The following HMBOX1 variants were observed in gnomAD, a reference collection of about 807,000 sequenced individuals.
The protein encoded by HMBOX1 is homeobox-containing protein 1.
HMBOX1 carries 14 observed loss-of-function variants against 54.5 expected under a neutral mutation model. The ratio of observed to expected loss-of-function variants is 0.26; its 90% CI spans 0.17 to 0.40. The LOEUF (loss-of-function observed/expected upper bound fraction) is 0.40. Ranked by LOEUF, HMBOX1 falls within the 10% of genes least tolerant of loss-of-function variation. The pLI is 1.00. For missense variants in HMBOX1, 332 were observed against 514.4 expected, an observed-to-expected ratio of 0.65 and a Z score of 3.43; for synonymous variants, 160 against 181.0, an observed-to-expected ratio of 0.88 and a Z score of 0.93.
chr8:28,906,904 G>T (rs1318227479), intron 1 of HMBOX1, among the ~76,000 whole-genome samples: 1 of 152,076 alleles, frequency 6.6e-6, no homozygotes, highest in Non-Finnish European at 1.5e-5. Flanking sequence ...GAAAAAAATG[G>T]TTTTTAATGG....
At chr8:28,958,549 C>T (rs1824887155) in intron 1 of HMBOX1, among the ~76,000 whole-genome samples, 1 of 152,112 alleles carries the variant, frequency 6.6e-6, no homozygotes, top group African/African-American at 2.4e-5. Context: ...GAACAGCTTC[C>T]TTCCCATTCC....
intron 1 of HMBOX1, among the ~76,000 whole-genome samples, chr8:28,906,418 T>A (rs1181320340): frequency 5.3e-5 from 8 of 152,064 alleles, no homozygotes; most frequent in Admixed American, 5.2e-4. Flanking sequence ...AAAAGAAAAA[T>A]CACTGTATAA....
At chr8:28,895,781 C>T (rs2131508867) in intron 1 of HMBOX1, among the ~76,000 whole-genome samples, 1 of 152,190 alleles carries the variant, frequency 6.6e-6, no homozygotes, top group Middle Eastern at 3.4e-3. Context: ...CACTCTTCAT[C>T]CAATCGTGAA....
intron 3 of HMBOX1, among the ~76,000 whole-genome samples, chr8:28,976,932 CT>C (rs1437955236): frequency 2.0e-5 from 3 of 152,084 alleles, no homozygotes; most frequent in Admixed American, 6.5e-5. Context: ...TGAACTTGAA[CT>C]CCTGACCTCA....
chr8:29,009,768 A>T (rs1194294720), intron 5 of HMBOX1: 7 of 1,278,858 alleles, frequency 5.5e-6, no homozygotes, highest in African/African-American at 1.5e-5. Flanking sequence ...ATGACAAAAA[A>T]ATTTATGTCT....
intron 4 of HMBOX1, among the ~76,000 whole-genome samples, chr8:29,006,491 C>T (rs1006158629): frequency 3.9e-5 from 6 of 152,202 alleles, no homozygotes; most frequent in African/African-American, 1.4e-4. Context: ...ATCTGTTTCC[C>T]AAAGTGGCCC....
At chr8:28,957,730 C>A (rs975027795) in intron 1 of HMBOX1, among the ~76,000 whole-genome samples, 1 of 152,156 alleles carries the variant, frequency 6.6e-6, no homozygotes, top group African/African-American at 2.4e-5. Flanking sequence ...TCAGGCGATT[C>A]GCCTGCCTCA....
intron 3 of HMBOX1, among the ~76,000 whole-genome samples, chr8:28,977,186 G>GTA (rs1828549605): frequency 6.6e-6 from 1 of 152,032 alleles, no homozygotes; most frequent in Non-Finnish European, 1.5e-5. Context: ...CAATAATTGA[G>GTA]TGTTATCTCT....
intron 1 of HMBOX1, among the ~76,000 whole-genome samples, chr8:28,905,230 TTTGTTG>T (rs577367151): frequency 1.3e-5 from 2 of 152,094 alleles, no homozygotes; most frequent in Admixed American, 6.5e-5. Flanking sequence ...TGAAGGGTTT[TTTGTTG>T]TTGTTGTTGT....
chr8:28,900,818 A>G (rs932760035), intron 1 of HMBOX1, among the ~76,000 whole-genome samples: 1 of 151,870 alleles, frequency 6.6e-6, no homozygotes, highest in African/African-American at 2.4e-5. Flanking sequence ...AACCTTATAT[A>G]CTTTGGAATA....
intron 1 of HMBOX1, among the ~76,000 whole-genome samples, chr8:28,938,053 T>C (rs1820700877): frequency 6.6e-6 from 1 of 152,204 alleles, no homozygotes; most frequent in African/African-American, 2.4e-5. Flanking sequence ...TTGTTTCAAT[T>C]TGTCATACTA....
At chr8:28,981,621 AT>A (rs549268654) in intron 4 of HMBOX1, among the ~76,000 whole-genome samples, 2,888 of 148,660 alleles carry the variant, frequency 0.019, 79 homozygotes, top group African/African-American at 0.067. Flanking sequence ...TGCAACGCTG[AT>A]TTTTTTTTTT....
intron 1 of HMBOX1, among the ~76,000 whole-genome samples, chr8:28,912,164 T>G (rs9918753): frequency 0.031 from 4,770 of 152,298 alleles, 265 homozygotes; most frequent in African/African-American, 0.11. Flanking sequence ...ATAGGTTAGA[T>G]GTATTAAATG....
chr8:28,972,422 T>C (rs866460530), intron 3 of HMBOX1, among the ~76,000 whole-genome samples: 7 of 152,162 alleles, frequency 4.6e-5, no homozygotes, highest in South Asian at 2.1e-4. Context: ...AGTTTGACTT[T>C]GAATTCTTTT....
chr8:28,910,485 A>G (rs1319489797), intron 1 of HMBOX1, among the ~76,000 whole-genome samples: 3 of 152,164 alleles, frequency 2.0e-5, no homozygotes, highest in Non-Finnish European at 4.4e-5. Flanking sequence ...AAACTGCAAA[A>G]CTATTTTACT....
intron 4 of HMBOX1, among the ~76,000 whole-genome samples, chr8:29,000,171 T>G (rs144611075): frequency 6.6e-6 from 1 of 152,314 alleles, no homozygotes; most frequent in Non-Finnish European, 1.5e-5. Context: ...AGGTAAAAAT[T>G]TCCTCAAATC....
intron 1 of HMBOX1, among the ~76,000 whole-genome samples, chr8:28,897,360 A>C (rs1812349300): frequency 6.6e-6 from 1 of 151,968 alleles, no homozygotes; most frequent in Admixed American, 6.6e-5. Flanking sequence ...TAACATTGAA[A>C]TTGTCCACAA....
intron 3 of HMBOX1, among the ~76,000 whole-genome samples, chr8:28,973,711 C>T (rs1337540313): frequency 6.6e-6 from 1 of 151,492 alleles, no homozygotes; most frequent in African/African-American, 2.4e-5. Context: ...TGTTCACATT[C>T]CTCAACTCAT....
chr8:28,970,739 T>C lies in HMBOX1; in HGVS notation c.500+220T>C. On this transcript the variant is annotated intron_variant, in intron 3 of 9. Transcript: ENST00000287701. This position sits in a 1 kb window ranked among gnomAD's most constrained non-coding sequence, Gnocchi z 4.3. Reference sequence around the variant, plus strand: ...CTCTTCTTTACTTCAGCCCTTTCTCTTTGCTGCTTGACAAGCCTTTTCCAT... The same window carrying C: ...CTCTTCTTTACTTCAGCCCTTTCTCCTTGCTGCTTGACAAGCCTTTTCCAT... 2.3e-6 allele frequency: 1 copy of C among 439,714 alleles called. No homozygotes were observed. The highest frequency in any genetic ancestry group is 4.0e-6 in the Non-Finnish European group (1 of 249,758). 27.2% of individuals were successfully genotyped at this position (439,714 alleles called of 1,614,324 possible).
Sources: allele counts gnomAD v4.1 joint callset (sites outside exome capture counted in the v4.1 genomes callset), GRCh38; gene constraint gnomAD v4.1.1; non-coding constraint Gnocchi (gnomAD v3.1); transcripts MANE v1.5; gene names NCBI Gene and HGNC (gene_info 2026-07-23, HGNC 2026-07-21).